IKBKB: variants seen among roughly 807,000 people sequenced by gnomAD.
IKBKB encodes the protein inhibitor of nuclear factor kappa-B kinase subunit beta.
In IKBKB, 42 loss-of-function variants were observed where a neutral mutation model predicts 113.6. That is an observed-to-expected ratio of 0.37 (90% CI 0.29 to 0.48). The LOEUF is 0.48. Among genes scored for constraint, IKBKB ranks in the 20% least tolerant of loss-of-function variants. The pLI, the probability that IKBKB is intolerant of heterozygous loss-of-function variation, is 0.99. For missense variants in IKBKB, 673 were observed against 939.7 expected (o/e 0.72, Z 3.71); for synonymous variants, 296 against 361.3 (o/e 0.82, Z 2.05).
chr8:42,287,933 G>A (rs1811746439), intron 2 of IKBKB, among the ~76,000 whole-genome samples: 1 of 152,178 alleles, frequency 6.6e-6, no homozygotes, highest in South Asian at 2.1e-4. Context: ...GGTCAATGTG[G>A]TCAATTATCA....
chr8:42,298,521 T>A, intron 5 of IKBKB: 2 of 969,514 alleles, frequency 2.1e-6, no homozygotes, highest in Non-Finnish European at 2.5e-6. Context: ...ATCTTCTGAC[T>A]GGTTCCATTG....
chr8:42,330,980 T>C lies in IKBKB; in HGVS notation c.*1T>C. ...CAGCTGCCTGGAGCAGGCCTCATGATGTGGGGGGACTCGACCCCCTGACAT... is the reference window on the plus strand; with the variant it reads ...CAGCTGCCTGGAGCAGGCCTCATGACGTGGGGGGACTCGACCCCCTGACAT... On this transcript the variant is annotated 3_prime_UTR_variant, in exon 22 of 22. Transcript: ENST00000520810. 1.2e-6 allele frequency: 2 copies of C among 1,613,848 alleles called. No homozygotes were observed. The highest frequency in any genetic ancestry group is 1.7e-6 in the Non-Finnish European group (2 of 1,179,978).
chr8:42,279,908 G>T (rs1392633468), intron 2 of IKBKB, among the ~76,000 whole-genome samples: 1 of 152,184 alleles, frequency 6.6e-6, no homozygotes, highest in East Asian at 1.9e-4. Flanking sequence ...GAGTGCAGTG[G>T]CTCGATCAGG....
chr8:42,281,204 G>A (rs1475927290), intron 2 of IKBKB, among the ~76,000 whole-genome samples: 4 of 152,184 alleles, frequency 2.6e-5, no homozygotes, highest in Admixed American at 2.0e-4. Flanking sequence ...AGCAGGATCT[G>A]GAAAGGAGGT....
Position 42,330,895 on chromosome 8 carries a change from C to T in IKBKB, c.2206-19C>T, listed in dbSNP as rs2130743781. 1 of 1,614,066 alleles carries T rather than the reference C, an allele frequency of 6.2e-7. No individual in the cohort carries two copies. The highest frequency in any genetic ancestry group is 8.5e-7 in the Non-Finnish European group (1 of 1,179,956). On this transcript the variant is annotated intron_variant, in intron 21 of 21. Coordinates refer to ENST00000520810, the MANE Select transcript of IKBKB (RefSeq NM_001556.3). ...GTGTTGGTGGCTGTTGTTTTTTTAA[C>T]ATGTCTGTTGACTTTCAGGCCCTAG...
intron 4 of IKBKB, among the ~76,000 whole-genome samples, chr8:42,290,675 T>C (rs973302409): frequency 6.6e-6 from 1 of 152,142 alleles, no homozygotes; most frequent in African/African-American, 2.4e-5. Context: ...GATTTTATTC[T>C]AGAGATGGGA....
chr8:42,290,321 G>A, intron 4 of IKBKB, 48 bp downstream of exon 4: 2 of 1,336,078 alleles, frequency 1.5e-6, no homozygotes, highest in Non-Finnish European at 2.2e-6. Context: ...GGGCAGGTGG[G>A]ACACCAGGAA....
chr8:42,317,834 G>A (rs925871621), intron 12 of IKBKB, 63 bp downstream of exon 12: 91 of 1,218,316 alleles, frequency 7.5e-5, no homozygotes, highest in Non-Finnish European at 5.0e-5. Flanking sequence ...ACAAGGCAGG[G>A]AAGGGAGACT....
intron 20 of IKBKB, 127 bp downstream of exon 20, chr8:42,326,224 C>A: frequency 8.6e-7 from 1 of 1,157,980 alleles, no homozygotes. Context: ...TTTGTTGCAT[C>A]TGCTGGGTCC....
intron 2 of IKBKB, among the ~76,000 whole-genome samples, chr8:42,282,711 A>G (rs774382236): frequency 6.6e-6 from 1 of 152,200 alleles, no homozygotes; most frequent in Non-Finnish European, 1.5e-5. Flanking sequence ...GGGTTTCAGA[A>G]CCGGTGATCG....
rs898404857 is a variant in IKBKB at position 42,314,207 on chromosome 8, A to G, written c.693-115A>G. 32 of 785,532 alleles carry G rather than the reference A, an allele frequency of 4.1e-5. 1 individual carries two copies. The highest frequency in any genetic ancestry group is 1.6e-5 in the Non-Finnish European group (7 of 437,478). 48.7% of individuals were successfully genotyped at this position (785,532 alleles called of 1,614,324 possible). On this transcript the variant is annotated intron_variant, in intron 8 of 21. Coordinates refer to ENST00000520810, the MANE Select transcript of IKBKB (RefSeq NM_001556.3). Reference sequence around the variant, plus strand: ...GCCTAGGTCTGTAGTAGGCTAAACCATCTAGGTTTGTGTTATGTTCACACA... The same window carrying G: ...GCCTAGGTCTGTAGTAGGCTAAACCGTCTAGGTTTGTGTTATGTTCACACA...
At chr8:42,321,841 A>G in intron 16 of IKBKB, 55 bp from the exon 17 acceptor site, 2 of 1,339,750 alleles carry the variant, frequency 1.5e-6, no homozygotes, top group Non-Finnish European at 2.1e-6. Context: ...AAAAAAATGT[A>G]AAAATTAGCC....
chr8:42,299,162 C>T (rs1585657561), intron 5 of IKBKB, among the ~76,000 whole-genome samples: 1 of 152,234 alleles, frequency 6.6e-6, no homozygotes, highest in East Asian at 1.9e-4. Flanking sequence ...TTTCTTGTGT[C>T]ATGGTGCCAC....
At chr8:42,290,031 T>C in intron 3 of IKBKB, 125 bp from the exon 4 acceptor site, 1 of 680,726 alleles carries the variant, frequency 1.5e-6, no homozygotes, top group South Asian at 1.8e-5. Context: ...CGTCCTGGGC[T>C]CTGTCTTCCT....
Position 42,316,990 on chromosome 8 carries a change from C to A in IKBKB, c.1125+86C>A. 7.8e-7 allele frequency: 1 copy of A among 1,277,768 alleles called. No individual in the cohort carries two copies. Among genetic ancestry groups the A allele is most frequent in the Non-Finnish European group, 1.1e-6 (1 of 898,616 alleles). The allele number at this position is 1,277,768 out of a possible 1,614,324, so 79.2% of individuals were successfully genotyped here. A position where few individuals can be genotyped will look rare whatever the true frequency, so the allele number is the denominator to read the frequency against. ...AACACACTTTCAGATTTCAATTCTG[C>A]TTTGTCATGTAGTCTGTTAATCACA... is the stretch of plus-strand genomic sequence containing the variant. On this transcript the variant is annotated intron_variant, in intron 11 of 21. Coordinates refer to ENST00000520810, the MANE Select transcript of IKBKB (RefSeq NM_001556.3). The surrounding 1 kb of genome is among the most constrained non-coding windows in gnomAD (Gnocchi z 4.5).
intron 5 of IKBKB, among the ~76,000 whole-genome samples, chr8:42,296,042 G>T (rs1813717010): frequency 3.9e-5 from 6 of 152,178 alleles, no homozygotes; most frequent in Admixed American, 3.3e-4. Flanking sequence ...TCTGTAGGTT[G>T]CTGATTCTCT....
intron 21 of IKBKB, chr8:42,329,942 CA>C: frequency 1.0e-6 from 1 of 985,432 alleles, no homozygotes; most frequent in Non-Finnish European, 1.2e-6. Flanking sequence ...CAAGGGATAC[CA>C]CTGTGAATTG....
chr8:42,289,044 G>T (rs552239410), intron 3 of IKBKB, among the ~76,000 whole-genome samples: 5 of 152,086 alleles, frequency 3.3e-5, no homozygotes, highest in African/African-American at 1.2e-4. Context: ...AGGAAACCCC[G>T]TCTCTACTAA....
chr8:42,314,242 A>G (rs1258573451), intron 8 of IKBKB, 80 bp from the exon 9 acceptor site: 2 of 1,008,396 alleles, frequency 2.0e-6, no homozygotes, highest in Admixed American at 1.7e-5. Flanking sequence ...AAGGACTAAA[A>G]TCACCTAATG....
Sources: allele counts gnomAD v4.1 joint callset (sites outside exome capture counted in the v4.1 genomes callset), GRCh38; gene constraint gnomAD v4.1.1; non-coding constraint Gnocchi (gnomAD v3.1); transcripts MANE v1.5; gene names NCBI Gene and HGNC (gene_info 2026-07-23, HGNC 2026-07-21).